Variants in PSD3 observed in about 807,000 individuals in gnomAD.
The protein encoded by PSD3 is pleckstrin and Sec7 domain containing 3.
In PSD3, 49 loss-of-function variants were observed where a neutral mutation model predicts 105.5. The ratio of observed to expected loss-of-function variants is 0.46; its 90% confidence interval spans 0.37 to 0.59. The LOEUF (loss-of-function observed/expected upper bound fraction) is 0.59. Ranked by LOEUF, PSD3 falls within the 20% of genes least tolerant of loss-of-function variation. The pLI, the probability that PSD3 is intolerant of heterozygous loss-of-function variation, is 0.00. For synonymous variants in PSD3, 557 were observed against 457.8 expected (o/e 1.22, Z -2.77); for missense variants, 1,561 against 1,263.8 (o/e 1.24, Z -3.57).
chr8:18,572,236 C>G (rs1332897799), intron 14 of PSD3, among the ~76,000 whole-genome samples: 1 of 152,198 alleles, frequency 6.6e-6, no homozygotes, highest in African/African-American at 2.4e-5. Context: ...AGATTATGAG[C>G]TGGCAGTTAA....
In PSD3 at chr8:18,589,493, C is replaced by G. The variant is rs188915532; in HGVS notation, c.2481+10871G>C. Among the ~76,000 whole-genome samples the G allele has an allele frequency of 2.8e-4, 42 of 152,262 alleles. 1 individual carries two copies. Among genetic ancestry groups the G allele is most frequent in the South Asian group, 8.3e-4 (4 of 4,812 alleles). The stretch of plus-strand genomic sequence containing the variant: ...TCCAATATTCCTTACCTGATGTATT[C>G]CAAAAGGAAGATGACAAAAGGGTTT... On this transcript the variant is annotated intron_variant, in intron 12 of 15. Coordinates refer to ENST00000327040, the MANE Select transcript of PSD3 (RefSeq NM_015310.4).
intron 8 of PSD3, among the ~76,000 whole-genome samples, chr8:18,798,572 C>T (rs576674014): frequency 1.1e-4 from 17 of 152,080 alleles, no homozygotes; most frequent in East Asian, 9.7e-4. Flanking sequence ...AGATATATTA[C>T]GGCAAATCAA....
chr8:19,010,459 T>C (rs1478501573), intron 1 of PSD3, among the ~76,000 whole-genome samples: 1 of 152,254 alleles, frequency 6.6e-6, no homozygotes, highest in African/African-American at 2.4e-5. Context: ...AATGTTGAGT[T>C]ATGCCTTATT....
At position 18,582,416 on chromosome 8, in the gene PSD3, C is replaced by G. The variant is rs17643874; in HGVS notation, c.2482-7131G>C. 9.6e-3 allele frequency among the ~76,000 whole-genome samples: 1,468 copies of G among 152,230 alleles called. 48 individuals carry two copies. In the East Asian group the frequency reaches 0.12, roughly 13 times the overall value. ...TTTTCTCTCTGGCTTAGTTTTCTTCCTAGCTGTCTGGCCACATTGCACAGG... is the reference window on the plus strand; with the variant it reads ...TTTTCTCTCTGGCTTAGTTTTCTTCGTAGCTGTCTGGCCACATTGCACAGG... On this transcript the variant is annotated intron_variant, in intron 12 of 15. Coordinates refer to ENST00000327040, the MANE Select transcript of PSD3 (RefSeq NM_015310.4).
intron 9 of PSD3, chr8:18,733,769 T>A (rs944678719): frequency 6.6e-6 from 1 of 152,618 alleles, no homozygotes; most frequent in Non-Finnish European, 1.5e-5. Context: ...CAGATGTTAA[T>A]CCTCAACTAA....
intron 2 of PSD3, among the ~76,000 whole-genome samples, chr8:18,888,640 T>C (rs551980297): frequency 1.3e-5 from 2 of 152,318 alleles, no homozygotes; most frequent in South Asian, 4.1e-4. Flanking sequence ...TAGAATTACA[T>C]TTTTTATAAA....
intron 9 of PSD3, among the ~76,000 whole-genome samples, chr8:18,740,697 C>T (rs1804501491): frequency 6.6e-6 from 1 of 152,186 alleles, no homozygotes; most frequent in Non-Finnish European, 1.5e-5. Flanking sequence ...AATGACCCTA[C>T]CAGGTACTTA....
chr8:18,594,430 A>G (rs1041415911), intron 12 of PSD3, among the ~76,000 whole-genome samples: 6 of 124,910 alleles, frequency 4.8e-5, no homozygotes, highest in African/African-American at 1.9e-4. Context: ...TACATTATAT[A>G]TAATATATTA....
At chr8:18,608,260 G>A (rs1468840710) in intron 11 of PSD3, among the ~76,000 whole-genome samples, 1 of 152,158 alleles carries the variant, frequency 6.6e-6, no homozygotes, top group Non-Finnish European at 1.5e-5. Context: ...GAGCTACCTT[G>A]AGCTGTTGGG....
chr8:19,007,548 G>A (rs1216824771), intron 1 of PSD3, among the ~76,000 whole-genome samples: 5 of 152,018 alleles, frequency 3.3e-5, no homozygotes, highest in Admixed American at 3.3e-4. Context: ...GGCAGTAACT[G>A]CATCGATTCT....
Position 18,872,047 on chromosome 8 carries a change from T to C in PSD3, c.817A>G (p.Arg273Gly). The change falls in exon 3 of 16, where the codon AGG becomes GGG. Residue 273 changes from arginine (R) to glycine (G), a missense_variant. Transcript: ENST00000327040. ...GGGTGCTCTCTCCCAAGAGCAGACCTCTGCTCTTTCAAGAAACCAACACTG... is the reference window on the plus strand; with the variant it reads ...GGGTGCTCTCTCCCAAGAGCAGACCCCTGCTCTTTCAAGAAACCAACACTG... ...AGSVGFLKEQRSALGREHPGG... is the reference protein window; with the variant it reads ...AGSVGFLKEQGSALGREHPGG... 6.2e-7 allele frequency: 1 copy of C among 1,614,138 alleles called. No individual in the cohort carries two copies. The highest frequency in any genetic ancestry group is 8.5e-7 in the Non-Finnish European group (1 of 1,180,020).
At chr8:18,586,705 C>T (rs969509474) in intron 12 of PSD3, among the ~76,000 whole-genome samples, 1 of 152,116 alleles carries the variant, frequency 6.6e-6, no homozygotes, top group East Asian at 1.9e-4. Flanking sequence ...ATCAGGGAAG[C>T]AGTGGCCCTG....
At chr8:18,585,832 C>T (rs1803138507) in intron 12 of PSD3, among the ~76,000 whole-genome samples, 1 of 152,078 alleles carries the variant, frequency 6.6e-6, no homozygotes, top group Non-Finnish European at 1.5e-5. Flanking sequence ...TTGAGGTTCG[C>T]AGAGGATAAT....
At position 19,067,125 on chromosome 8, in the gene PSD3, A is replaced by G. The variant is rs139661399; in HGVS notation, c.324+17081T>C. 4.1e-3 allele frequency among the ~76,000 whole-genome samples: 629 copies of G among 152,308 alleles called. 4 individuals carry two copies. The highest frequency in any genetic ancestry group is 0.014 in the African/African-American group (597 of 41,570). The stretch of plus-strand genomic sequence containing the variant: ...AGTTCTTTGGGCAGACTGTCATTTA[A>G]AAAAATTGATCAGTTTGCGGGAACT... On this transcript the variant is annotated intron_variant, in intron 1 of 1. Coordinates refer to the PSD3 transcript ENST00000521475.
At chr8:18,955,870 G>C (rs113506562) in intron 1 of PSD3, among the ~76,000 whole-genome samples, 59,570 of 151,864 alleles carry the variant, frequency 0.39, 11,872 homozygotes, top group Non-Finnish European at 0.41. Flanking sequence ...CCGGGTTCAA[G>C]TGATTCTCCA....
intron 8 of PSD3, among the ~76,000 whole-genome samples, chr8:18,779,909 A>G (rs1386844388): frequency 6.6e-6 from 1 of 152,186 alleles, no homozygotes; most frequent in Admixed American, 6.5e-5. Flanking sequence ...CTGTTGGACA[A>G]TATGTTCTGT....
intron 9 of PSD3, among the ~76,000 whole-genome samples, chr8:18,705,781 T>A (rs759713042): frequency 1.3e-5 from 2 of 152,174 alleles, no homozygotes; most frequent in Non-Finnish European, 1.5e-5. Flanking sequence ...TTGAGTATAT[T>A]CTGCCTTTGG....
At chr8:18,668,074 C>T (rs1799583238) in intron 9 of PSD3, among the ~76,000 whole-genome samples, 1 of 152,228 alleles carries the variant, frequency 6.6e-6, no homozygotes, top group Admixed American at 6.5e-5. Context: ...CCCTGCACAC[C>T]TCCCAGCAAG....
chr8:19,008,364 T>C (rs1395610171), intron 1 of PSD3, among the ~76,000 whole-genome samples: 1 of 152,210 alleles, frequency 6.6e-6, no homozygotes, highest in African/African-American at 2.4e-5. Context: ...GGAGACACTC[T>C]GGAAGATCAC....
Sources: gnomAD v4.1 joint callset for allele counts (sites outside exome capture counted in the v4.1 genomes callset) on GRCh38, gnomAD v4.1.1 for gene constraint, MANE v1.5 for transcripts, NCBI Gene and HGNC (gene_info 2026-07-23, HGNC 2026-07-21) for gene names.